Variants in RAB3C observed in about 807,000 individuals in gnomAD.
RAB3C encodes the protein ras-related protein Rab-3C.
In RAB3C, 17 loss-of-function variants were observed where a neutral mutation model predicts 26.4. The ratio of observed to expected loss-of-function variants is 0.64; its 90% CI spans 0.44 to 0.97. The LOEUF is 0.97. Among genes scored for constraint, RAB3C ranks in the 50% least tolerant of loss-of-function variants. The probability of loss-of-function intolerance (pLI) is 0.00; values close to 1 mark genes in which losing one functional copy is unlikely to be tolerated. For synonymous variants in RAB3C, 91 were observed against 95.9 expected (o/e 0.95, Z 0.30); for missense variants, 242 against 281.9 (o/e 0.86, Z 1.01).
chr5:58,661,516 G>C (rs1200838616), intron 2 of RAB3C, among the ~76,000 whole-genome samples: 1 of 149,042 alleles, frequency 6.7e-6, no homozygotes, highest in East Asian at 1.9e-4. Flanking sequence ...AATAATTTAA[G>C]GGTTAAAGAC....
At chr5:58,798,456 G>A (rs1463194975) in intron 3 of RAB3C, among the ~76,000 whole-genome samples, 3 of 152,106 alleles carry the variant, frequency 2.0e-5, no homozygotes, top group African/African-American at 7.2e-5. Flanking sequence ...ATATATACAG[G>A]TTGAGCATCC....
chr5:58,819,051 GA>G (rs1157563677), intron 3 of RAB3C, among the ~76,000 whole-genome samples: 2 of 152,150 alleles, frequency 1.3e-5, no homozygotes, highest in Non-Finnish European at 2.9e-5. Context: ...TCAATTATAG[GA>G]ATTAGAAATG....
At chr5:58,653,134 C>T (rs1395172925) in intron 2 of RAB3C, among the ~76,000 whole-genome samples, 2 of 152,062 alleles carry the variant, frequency 1.3e-5, no homozygotes, top group East Asian at 3.9e-4. Flanking sequence ...TGCCCCCCAC[C>T]CTCTGACAGG....
chr5:58,804,665 A>ATG (rs1491393143), intron 3 of RAB3C, among the ~76,000 whole-genome samples: 1 of 143,652 alleles, frequency 7.0e-6, no homozygotes, highest in African/African-American at 2.9e-5. Context: ...AGTGGGGTGC[A>ATG]TATGTGTGTG....
chr5:58,695,270 T>C (rs544890418), intron 2 of RAB3C, among the ~76,000 whole-genome samples: 1 of 152,308 alleles, frequency 6.6e-6, no homozygotes, highest in East Asian at 1.9e-4. Context: ...TCTGTTCTGT[T>C]CCATTGGGCT....
chr5:58,584,429 G>A (rs1347405111), intron 1 of RAB3C, among the ~76,000 whole-genome samples: 2 of 152,008 alleles, frequency 1.3e-5, no homozygotes, highest in Non-Finnish European at 2.9e-5. Context: ...GGGAACAGTG[G>A]CCCCTTTGTG....
chr5:58,811,345 G>A (rs59783178), intron 3 of RAB3C, among the ~76,000 whole-genome samples: 14 of 151,900 alleles, frequency 9.2e-5, no homozygotes, highest in Admixed American at 5.9e-4. Context: ...TAGATTTTGC[G>A]TGTGTGTGTA....
rs562163757 is a variant in RAB3C, at chr5:58,607,867, C to T, written c.25-9776C>T. On this transcript the variant is annotated intron_variant, in intron 1 of 4. Coordinates refer to ENST00000282878, the MANE Select transcript of RAB3C (RefSeq NM_138453.4). ...CCTTTACAGACAAGCAAATCCTTTA[C>T]AGACAAGCAAATGCTGAGAGATTTT... Among the ~76,000 whole-genome samples the T allele has an allele frequency of 9.3e-4, 142 of 152,224 alleles. 1 individual carries two copies. Among genetic ancestry groups the T allele is most frequent in the African/African-American group, 3.2e-3 (135 of 41,542 alleles).
rs116291293 is a variant in RAB3C at position 58,847,295 on chromosome 5, G to A, written c.497-3869G>A. Among the ~76,000 whole-genome samples, 1,030 of 152,232 alleles carry A rather than the reference G, an allele frequency of 6.8e-3. 15 individuals are homozygous for A. Among genetic ancestry groups the A allele is most frequent in the African/African-American group, 0.023 (942 of 41,536 alleles). ...GAGGTCTTTGTCAGACTTCACAATC[G>A]GCTTGCTGTGTGACTTTGGGCTACT... On this transcript the variant is annotated intron_variant, in intron 4 of 4. Transcript: ENST00000282878.
chr5:58,594,312 T>C (rs1230798843), intron 1 of RAB3C, among the ~76,000 whole-genome samples: 2 of 152,202 alleles, frequency 1.3e-5, no homozygotes, highest in Non-Finnish European at 2.9e-5. Context: ...TAATAGAAGA[T>C]AGTTTTTCTT....
intron 3 of RAB3C, among the ~76,000 whole-genome samples, chr5:58,806,162 C>T (rs1226022647): frequency 6.6e-6 from 1 of 152,122 alleles, no homozygotes; most frequent in Non-Finnish European, 1.5e-5. Flanking sequence ...CCCCACACTT[C>T]CATTCACTGG....
chr5:58,682,590 G>C (rs10071864), intron 2 of RAB3C, among the ~76,000 whole-genome samples: 2 of 151,704 alleles, frequency 1.3e-5, no homozygotes, highest in African/African-American at 4.9e-5. Context: ...AGGCTGAGGC[G>C]GGAGAATGGC....
chr5:58,851,492 T>C lies in RAB3C; in HGVS notation c.*141T>C, dbSNP rs999321050. On this transcript the variant is annotated 3_prime_UTR_variant, in exon 5 of 5. Coordinates refer to ENST00000282878, the MANE Select transcript of RAB3C (RefSeq NM_138453.4). ...ATGTCAATGGCTCGTACGCATTCAA[T>C]TCTTGGGAGCTTTCCTGTTTAATAT... 3.4e-6 allele frequency: 2 copies of C among 586,810 alleles called. No individual in the cohort carries two copies. The highest frequency in any genetic ancestry group is 3.8e-5 in the African/African-American group (2 of 53,132). The allele number at this position is 586,810 out of a possible 1,614,324, so 36.4% of individuals were successfully genotyped here.
At chr5:58,725,890 C>A (rs913905723) in intron 2 of RAB3C, 112 bp from the exon 3 acceptor site, 6 of 603,900 alleles carry the variant, frequency 9.9e-6, no homozygotes, top group South Asian at 3.1e-5. Context: ...GACAGCTATA[C>A]ACAACAAGTA....
At chr5:58,840,054 A>G (rs529853617) in intron 4 of RAB3C, among the ~76,000 whole-genome samples, 3 of 152,024 alleles carry the variant, frequency 2.0e-5, no homozygotes, top group African/African-American at 7.2e-5. Context: ...TGATTTTATT[A>G]ATTATGCTAT....
intron 3 of RAB3C, among the ~76,000 whole-genome samples, chr5:58,807,133 A>G (rs957485265): frequency 2.0e-5 from 3 of 152,194 alleles, no homozygotes; most frequent in African/African-American, 7.2e-5. Context: ...TCTGTATCTC[A>G]TGTGAATCCA....
intron 1 of RAB3C, among the ~76,000 whole-genome samples, chr5:58,609,208 A>G (rs1451246391): frequency 6.6e-6 from 1 of 152,114 alleles, no homozygotes; most frequent in African/African-American, 2.4e-5. Context: ...AAAAACCTGA[A>G]CTATAATTGC....
chr5:58,801,763 A>T (rs1412471619), intron 3 of RAB3C, among the ~76,000 whole-genome samples: 1 of 152,256 alleles, frequency 6.6e-6, no homozygotes, highest in Non-Finnish European at 1.5e-5. Context: ...AATAACTTGT[A>T]ATACCAGGAC....
intron 3 of RAB3C, among the ~76,000 whole-genome samples, chr5:58,748,877 A>G (rs1450294953): frequency 6.6e-6 from 1 of 152,184 alleles, no homozygotes; most frequent in African/African-American, 2.4e-5. Flanking sequence ...ATGCCAGCCA[A>G]AGTAAGTATG....
Sources: allele counts gnomAD v4.1 joint callset (sites outside exome capture counted in the v4.1 genomes callset), GRCh38; gene constraint gnomAD v4.1.1; transcripts MANE v1.5; gene names NCBI Gene and HGNC (gene_info 2026-07-23, HGNC 2026-07-21).